The following GCSAML variants were observed in gnomAD, a reference collection of about 807,000 sequenced individuals.
GCSAML encodes the protein germinal center-associated signaling and motility-like protein.
GCSAML carries 9 observed loss-of-function variants against 13.0 expected under a neutral mutation model. The ratio of observed to expected loss-of-function variants is 0.69; its 90% CI spans 0.42 to 1.21. The LOEUF is 1.21. Ranked by LOEUF, GCSAML falls within the 50% of genes most tolerant of loss-of-function variation. The pLI is 0.00. For synonymous variants in GCSAML, 37 were observed against 52.9 expected (o/e 0.70, Z 1.31); for missense variants, 143 against 153.4 (o/e 0.93, Z 0.36).
intron 1 of GCSAML, among the ~76,000 whole-genome samples, chr1:247,554,684 A>G (rs1035052463): frequency 1.3e-5 from 2 of 152,142 alleles, no homozygotes; most frequent in African/African-American, 2.4e-5. Context: ...ATTATTTAGA[A>G]TATTACTTGT....
Position 247,516,420 on chromosome 1 carries a change from C to T in GCSAML, c.-263+9187C>T, listed in dbSNP as rs112222188. Among the ~76,000 whole-genome samples, 465 of 152,292 alleles carry T rather than the reference C, an allele frequency of 3.1e-3. 1 individual carries two copies. The highest frequency in any genetic ancestry group is 5.1e-3 in the Non-Finnish European group (349 of 68,018). On this transcript the variant is annotated intron_variant, in intron 1 of 5. Transcript: ENST00000366489. Reference sequence around the variant, plus strand: ...GTGTCCATGTTACAATTTCCAAGCTCCAATTCATGCTGACCTAGTTTAGTT... The same window carrying T: ...GTGTCCATGTTACAATTTCCAAGCTTCAATTCATGCTGACCTAGTTTAGTT...
intron 1 of GCSAML, among the ~76,000 whole-genome samples, chr1:247,512,791 T>C (rs1666085088): frequency 6.6e-6 from 1 of 152,110 alleles, no homozygotes; most frequent in Non-Finnish European, 1.5e-5. Context: ...CTGCTGGAGT[T>C]TGCTGGGGGT....
At chr1:247,529,412 T>C (rs1289284792) in intron 2 of GCSAML, 1 of 152,222 alleles carries the variant, frequency 6.6e-6, no homozygotes, top group Non-Finnish European at 1.5e-5. Flanking sequence ...TATTGAATGA[T>C]GGAATGGCCT....
upstream of GCSAML, among the ~76,000 whole-genome samples, chr1:247,544,777 C>A (rs1390191042): frequency 6.6e-6 from 1 of 152,150 alleles, no homozygotes; most frequent in East Asian, 1.9e-4. Context: ...ATCACTTGAG[C>A]CTGGGAGGTT....
intron 2 of GCSAML, among the ~76,000 whole-genome samples, chr1:247,541,609 G>A (rs992887464): frequency 6.6e-6 from 1 of 152,160 alleles, no homozygotes; most frequent in African/African-American, 2.4e-5. Flanking sequence ...CCAAATTTGA[G>A]ATGTTGGCCT....
intron 2 of GCSAML, chr1:247,536,351 C>G (rs1193992772): frequency 6.6e-6 from 1 of 152,148 alleles, no homozygotes; most frequent in African/African-American, 2.4e-5. Flanking sequence ...TCGGTGGTAG[C>G]AGACGTGTTA....
At chr1:247,522,517 G>T (rs901672714) in intron 1 of GCSAML, among the ~76,000 whole-genome samples, 1 of 152,208 alleles carries the variant, frequency 6.6e-6, no homozygotes, top group Non-Finnish European at 1.5e-5. Flanking sequence ...GACTGTGGCT[G>T]TGTCTGTGTA....
intron 1 of GCSAML, among the ~76,000 whole-genome samples, chr1:247,554,994 A>G (rs569776393): frequency 3.3e-5 from 5 of 152,328 alleles, no homozygotes; most frequent in African/African-American, 1.2e-4. Flanking sequence ...AATTTGGTCA[A>G]CAAATTTTTG....
intron 1 of GCSAML, 89 bp from the exon 2 acceptor site, chr1:247,556,318 G>C: frequency 1.1e-6 from 1 of 917,784 alleles, no homozygotes; most frequent in South Asian, 1.5e-5. Context: ...GTCAGGTTTG[G>C]TTTTAATGGT....
intron 2 of GCSAML, chr1:247,538,909 C>A (rs1271267097): frequency 5.8e-6 from 2 of 346,144 alleles, no homozygotes; most frequent in Non-Finnish European, 1.2e-5. Flanking sequence ...CTTTAGAAAA[C>A]GAACCCTGTT....
rs548194527 is a variant in GCSAML, at chr1:247,519,982, CT to C, written c.-262-6952del. On this transcript the variant is annotated intron_variant, in intron 1 of 5. Transcript: ENST00000366489. Reference sequence around the variant, plus strand: ...CATGCTAATTATGATAAAAATGAAACTTTTTTCAACTCATGCATTTTCACCT... The same window carrying C: ...CATGCTAATTATGATAAAAATGAAACTTTTTCAACTCATGCATTTTCACCT... Among the ~76,000 whole-genome samples the C allele has an allele frequency of 3.3e-5, 5 of 152,216 alleles. No homozygotes were observed. In the South Asian group the frequency reaches 6.2e-4, roughly 19 times the overall value.
Position 247,527,237 on chromosome 1 carries a change from G to A in GCSAML, c.-148+183G>A. On this transcript the variant is annotated intron_variant, in intron 2 of 5. Transcript: ENST00000366489. The surrounding 1 kb of genome is among the most constrained non-coding windows in gnomAD (Gnocchi z 4.6). The stretch of plus-strand genomic sequence containing the variant: ...CTGTGCCAAACAGGGGCTGATGGAT[G>A]GTCAGGGCAAAGCACAGTGCTGTCC... 2 of 378,518 alleles carry A rather than the reference G, an allele frequency of 5.3e-6. No individual in the cohort carries two copies. Among genetic ancestry groups the A allele is most frequent in the Non-Finnish European group, 1.0e-5 (2 of 191,940 alleles). 23.4% of individuals were successfully genotyped at this position (378,518 alleles called of 1,614,324 possible). A position where few individuals can be genotyped will look rare whatever the true frequency, so the allele number is the denominator to read the frequency against.
chr1:247,548,696 C>A (rs1403192727), upstream of GCSAML, among the ~76,000 whole-genome samples: 2 of 152,174 alleles, frequency 1.3e-5, no homozygotes. The surrounding 1 kb of genome is among the most constrained non-coding windows in gnomAD (Gnocchi z 5.3). Flanking sequence ...GATCTCAGAT[C>A]TCTGTAATGA....
chr1:247,532,745 G>A (rs10802521), intron 2 of GCSAML: 415,553 of 527,878 alleles, frequency 0.79, 164,253 homozygotes, highest in Admixed American at 0.84. Context: ...ATACAGGCAC[G>A]TACTACCATG....
At chr1:247,534,425 A>G (rs1667134218) in intron 2 of GCSAML, among the ~76,000 whole-genome samples, 1 of 152,196 alleles carries the variant, frequency 6.6e-6, no homozygotes, top group African/African-American at 2.4e-5. Context: ...AACTTTCGGT[A>G]GTGTTGTCAG....
chr1:247,550,697 A>G (rs927418642), intron 1 of GCSAML, among the ~76,000 whole-genome samples: 13 of 152,322 alleles, frequency 8.5e-5, no homozygotes, highest in African/African-American at 2.4e-4. Context: ...GGGCCATCAA[A>G]GTTCAGGATG....
At chr1:247,513,730 C>T (rs1053050139) in intron 1 of GCSAML, among the ~76,000 whole-genome samples, 1 of 152,184 alleles carries the variant, frequency 6.6e-6, no homozygotes, top group African/African-American at 2.4e-5. Flanking sequence ...CCTCAGGGCA[C>T]AGTCTCTTGT....
chr1:247,512,344 T>G (rs1666073351), intron 1 of GCSAML, among the ~76,000 whole-genome samples: 1 of 151,932 alleles, frequency 6.6e-6, no homozygotes, highest in Admixed American at 6.6e-5. Flanking sequence ...TCGTGATGTG[T>G]TTTTCAGCTC....
At chr1:247,528,805 A>G (rs72773786) in intron 2 of GCSAML, 9,483 of 152,322 alleles carry the variant, frequency 0.062, 411 homozygotes, top group Middle Eastern at 0.15. Context: ...ATGGCAGGCA[A>G]ATCTGGAGAA....
Sources: allele counts gnomAD v4.1 joint callset (sites outside exome capture counted in the v4.1 genomes callset), GRCh38; gene constraint gnomAD v4.1.1; non-coding constraint Gnocchi (gnomAD v3.1); transcripts MANE v1.5; gene names NCBI Gene and HGNC (gene_info 2026-07-23, HGNC 2026-07-21).